ADAMTS16: variants seen among roughly 807,000 people sequenced by gnomAD.
ADAMTS16 encodes the protein ADAM metallopeptidase with thrombospondin type 1 motif 16.
In ADAMTS16, 94 loss-of-function variants were observed where a neutral mutation model predicts 145.8. The ratio of observed to expected loss-of-function variants is 0.64; its 90% confidence interval spans 0.55 to 0.77. The LOEUF (loss-of-function observed/expected upper bound fraction) is 0.77. Among genes scored for constraint, ADAMTS16 ranks in the 30% least tolerant of loss-of-function variants. The probability of loss-of-function intolerance (pLI) is 0.00; values close to 1 mark genes in which losing one functional copy is unlikely to be tolerated. For missense variants in ADAMTS16, 1,585 were observed against 1,591.5 expected (o/e 1.00, Z 0.07); for synonymous variants, 659 against 604.3 (o/e 1.09, Z -1.33).
In ADAMTS16 at chr5:5,256,000, C is replaced by T. The variant is rs144717273; in HGVS notation, c.2663-6657C>T. Reference sequence around the variant, plus strand: ...AGTTTATCTTTTGTAGCATTTTCATCATTATTTTCTTAAGTAAGTTTTTTT... The same window carrying T: ...AGTTTATCTTTTGTAGCATTTTCATTATTATTTTCTTAAGTAAGTTTTTTT... On this transcript the variant is annotated intron_variant, in intron 17 of 22. Transcript: ENST00000274181. 3.9e-3 allele frequency among the ~76,000 whole-genome samples: 592 copies of T among 152,294 alleles called. 5 individuals are homozygous for T. The highest frequency in any genetic ancestry group is 0.013 in the African/African-American group (558 of 41,568).
chr5:5,171,938 T>C (rs1735052323), intron 3 of ADAMTS16, among the ~76,000 whole-genome samples: 1 of 152,152 alleles, frequency 6.6e-6, no homozygotes, highest in Non-Finnish European at 1.5e-5. Context: ...ATGGCTTTGA[T>C]ATTATTATTT....
chr5:5,237,416 GA>G (rs1467279005), intron 14 of ADAMTS16, among the ~76,000 whole-genome samples: 4 of 152,156 alleles, frequency 2.6e-5, no homozygotes, highest in Non-Finnish European at 5.9e-5. Context: ...GGGATGTCAG[GA>G]AAATAGAGAG....
intron 18 of ADAMTS16, 148 bp from the exon 19 acceptor site, chr5:5,303,120 G>A: frequency 1.2e-6 from 1 of 808,300 alleles, no homozygotes. Flanking sequence ...CGGTAGGAAT[G>A]CTCACCCAGG....
At chr5:5,183,300 G>A (rs1040054610) in intron 4 of ADAMTS16, among the ~76,000 whole-genome samples, 2 of 152,188 alleles carry the variant, frequency 1.3e-5, no homozygotes, top group Non-Finnish European at 2.9e-5. Flanking sequence ...GAGAGAGTTG[G>A]GAATCCTGAG....
chr5:5,239,296 G>A (rs1244508422), intron 15 of ADAMTS16, 22 bp downstream of exon 15: 1 of 1,522,134 alleles, frequency 6.6e-7, no homozygotes, highest in South Asian at 1.3e-5. Context: ...AGAGCTGCCT[G>A]CAAGCCTTGG....
intron 18 of ADAMTS16, among the ~76,000 whole-genome samples, chr5:5,279,953 CTTCCTTCT>C (rs1459409364): frequency 5.8e-5 from 7 of 120,784 alleles, no homozygotes; most frequent in African/African-American, 1.2e-4. Flanking sequence ...TTTTTCCTTC[CTTCCTTCT>C]TTCCTTCTTT....
At chr5:5,284,174 A>G (rs1739031295) in intron 18 of ADAMTS16, among the ~76,000 whole-genome samples, 1 of 152,182 alleles carries the variant, frequency 6.6e-6, no homozygotes, top group African/African-American at 2.4e-5. Flanking sequence ...ATCATTGCTT[A>G]TGCCACTCTT....
chr5:5,156,230 A>G (rs1734598481), intron 3 of ADAMTS16, among the ~76,000 whole-genome samples: 2 of 151,428 alleles, frequency 1.3e-5, no homozygotes, highest in African/African-American at 4.9e-5. Flanking sequence ...ATTTCTTTGT[A>G]TAATCAAGCT....
chr5:5,164,650 C>A (rs1360080140), intron 3 of ADAMTS16, among the ~76,000 whole-genome samples: 1 of 152,150 alleles, frequency 6.6e-6, no homozygotes, highest in Non-Finnish European at 1.5e-5. Context: ...CCCTCCAGGG[C>A]TTCAGCTTTG....
rs190257454 is a variant in ADAMTS16 at position 5,310,247 on chromosome 5, G to A, written c.3411+3519G>A. Among the ~76,000 whole-genome samples the A allele has an allele frequency of 2.0e-5, 3 of 152,004 alleles. No homozygotes were observed. Among genetic ancestry groups the A allele is most frequent in the Non-Finnish European group, 2.9e-5 (2 of 67,996 alleles). ...TCTCATGTCCACCATCCTCCAGCTCGTAGGACCCCACCCACACTGCGCAGC... is the reference window on the plus strand; with the variant it reads ...TCTCATGTCCACCATCCTCCAGCTCATAGGACCCCACCCACACTGCGCAGC... On this transcript the variant is annotated intron_variant, in intron 21 of 22. Transcript: ENST00000274181. This position sits in a 1 kb window ranked among gnomAD's most constrained non-coding sequence, Gnocchi z 4.3.
chr5:5,206,134 G>T (rs944468179), intron 9 of ADAMTS16, among the ~76,000 whole-genome samples: 1 of 152,068 alleles, frequency 6.6e-6, no homozygotes, highest in African/African-American at 2.4e-5. Flanking sequence ...TGGGGTATAA[G>T]ATCTGCCTTT....
intron 3 of ADAMTS16, among the ~76,000 whole-genome samples, chr5:5,169,844 G>A (rs1276855439): frequency 6.6e-6 from 1 of 152,152 alleles, no homozygotes; most frequent in African/African-American, 2.4e-5. Context: ...AGAAGTGGAT[G>A]TGTCTACTCC....
In ADAMTS16 at chr5:5,242,161, C is replaced by A; in HGVS notation, c.2632C>A (p.Arg878Ser). 3 of 1,614,142 alleles carry A rather than the reference C, an allele frequency of 1.9e-6. No individual in the cohort carries two copies. The highest frequency in any genetic ancestry group is 3.3e-5 in the Admixed American group (2 of 60,026). ...GCCCAGCTACACTTGGGCCATCGTG[C>A]GCTCTGAGTGCTCCGTGTCCTGCGG... ...AQPSYTWAIV[R>S]SECSVSCGGG... The change falls in exon 17 of 23, where the codon CGC (arginine) becomes AGC (serine). Residue 878 changes from arginine (R) to serine (S), a missense_variant. Physicochemically the swap from Arg to Ser is moderately radical, Grantham distance 110. Transcript: ENST00000274181.
chr5:5,247,690 G>A (rs187366143), intron 17 of ADAMTS16, among the ~76,000 whole-genome samples: 12 of 152,304 alleles, frequency 7.9e-5, no homozygotes, highest in African/African-American at 2.2e-4. Flanking sequence ...AGGTCTTAAC[G>A]TCTGCAAATT....
At chr5:5,229,412 G>C (rs1736864104) in intron 11 of ADAMTS16, among the ~76,000 whole-genome samples, 1 of 152,184 alleles carries the variant, frequency 6.6e-6, no homozygotes, top group African/African-American at 2.4e-5. Context: ...CAGTAAGGTG[G>C]ATGTGTCAGG....
At chr5:5,248,057 T>C (rs985179629) in intron 17 of ADAMTS16, among the ~76,000 whole-genome samples, 3 of 152,256 alleles carry the variant, frequency 2.0e-5, no homozygotes, top group Non-Finnish European at 4.4e-5. Flanking sequence ...GCACATGTGA[T>C]AGAAACAATG....
At chr5:5,241,719 A>G (rs753327122) in intron 16 of ADAMTS16, among the ~76,000 whole-genome samples, 6 of 152,156 alleles carry the variant, frequency 3.9e-5, no homozygotes, top group Non-Finnish European at 8.8e-5. Flanking sequence ...TATCACATAT[A>G]CCCCCAAAAT....
intron 2 of ADAMTS16, among the ~76,000 whole-genome samples, chr5:5,143,425 C>T (rs572543947): frequency 2.6e-5 from 4 of 152,236 alleles, no homozygotes; most frequent in African/African-American, 7.2e-5. Flanking sequence ...AAAACAACAA[C>T]GAGATACCAT....
chr5:5,283,142 G>A (rs920025767), intron 18 of ADAMTS16, among the ~76,000 whole-genome samples: 1 of 151,952 alleles, frequency 6.6e-6, no homozygotes, highest in Non-Finnish European at 1.5e-5. Context: ...TTAGTTTAAA[G>A]GCAATGACAT....
Sources: gnomAD v4.1 joint callset for allele counts (sites outside exome capture counted in the v4.1 genomes callset) on GRCh38, gnomAD v4.1.1 for gene constraint, Gnocchi (gnomAD v3.1) non-coding constraint, MANE v1.5 for transcripts, NCBI Gene and HGNC (gene_info 2026-07-23, HGNC 2026-07-21) for gene names.